Variants in LMX1B observed in about 807,000 individuals in gnomAD.
LMX1B encodes the protein LIM homeobox transcription factor 1 beta, also known as LIM homeobox transcription factor 1-beta.
In LMX1B, 12 loss-of-function variants were observed where a neutral mutation model predicts 51.4. The ratio of observed to expected loss-of-function variants is 0.23; its 90% CI spans 0.15 to 0.38. The LOEUF (loss-of-function observed/expected upper bound fraction) is 0.38, where lower values mean the gene tolerates loss of function less well. LMX1B is among the 10% of genes least tolerant of loss of function. LMX1B has a pLI of 1.00. For missense variants in LMX1B, 445 were observed against 571.1 expected (o/e 0.78, Z 2.25); for synonymous variants, 237 against 235.4 (o/e 1.01, Z -0.06).
intron 2 of LMX1B, among the ~76,000 whole-genome samples, chr9:126,632,426 CGAGGGGCTGCT>C (rs996582541): frequency 3.3e-5 from 5 of 151,948 alleles, no homozygotes; most frequent in African/African-American, 1.2e-4. Context: ...GAGGGGCTGC[CGAGGGGCTGCT>C]GGGACTGGAG....
chr9:126,645,048 A>G (rs995014440), intron 2 of LMX1B, among the ~76,000 whole-genome samples: 3 of 152,146 alleles, frequency 2.0e-5, no homozygotes, highest in Non-Finnish European at 4.4e-5. Flanking sequence ...GCCCAGCGGC[A>G]TAGGCGTCCT....
intron 2 of LMX1B, among the ~76,000 whole-genome samples, chr9:126,637,294 C>T (rs1449277756): frequency 6.6e-6 from 1 of 151,958 alleles, no homozygotes; most frequent in Non-Finnish European, 1.5e-5. Context: ...GCGCCTGTGT[C>T]AGTGTGTGTG....
intron 2 of LMX1B, among the ~76,000 whole-genome samples, chr9:126,629,074 C>T (rs1009337772): frequency 1.3e-5 from 2 of 152,094 alleles, no homozygotes; most frequent in Admixed American, 6.5e-5. Flanking sequence ...ACCATCCAAA[C>T]CTGGTTCTAG....
intron 2 of LMX1B, among the ~76,000 whole-genome samples, chr9:126,644,471 G>A (rs893314289): frequency 6.6e-6 from 1 of 152,106 alleles, no homozygotes; most frequent in Non-Finnish European, 1.5e-5. Context: ...CTCTAGGACG[G>A]GGGTAGGGAG....
chr9:126,628,237 G>C (rs2118853825), intron 2 of LMX1B, among the ~76,000 whole-genome samples: 1 of 152,316 alleles, frequency 6.6e-6, no homozygotes, highest in African/African-American at 2.4e-5. Flanking sequence ...GGGCCAGTGG[G>C]CTGCTAGGAC....
At chr9:126,633,639 A>G (rs186891286) in intron 2 of LMX1B, among the ~76,000 whole-genome samples, 3 of 152,270 alleles carry the variant, frequency 2.0e-5, no homozygotes, top group Admixed American at 1.3e-4. Flanking sequence ...AAGTGGGCAG[A>G]GGCCACGGAG....
chr9:126,622,950 T>C (rs1225839959), intron 2 of LMX1B, among the ~76,000 whole-genome samples: 2 of 152,266 alleles, frequency 1.3e-5, no homozygotes, highest in Non-Finnish European at 2.9e-5. Context: ...AATTCCAATC[T>C]TACAGGGTTG....
chr9:126,684,412 A>G (rs1362298667), intron 2 of LMX1B, among the ~76,000 whole-genome samples: 1 of 152,206 alleles, frequency 6.6e-6, no homozygotes, highest in Non-Finnish European at 1.5e-5. Context: ...CTCCTGTGCC[A>G]GACGCTGGGC....
At chr9:126,662,694 G>A (rs1836268680) in intron 2 of LMX1B, among the ~76,000 whole-genome samples, 2 of 152,140 alleles carry the variant, frequency 1.3e-5, no homozygotes, top group African/African-American at 2.4e-5. Flanking sequence ...GTTGGAGCAG[G>A]CCCCAAGCTG....
rs1374003080 is a variant in LMX1B at position 126,696,537 on chromosome 9, T to C, written c.*86T>C. On this transcript the variant is annotated 3_prime_UTR_variant, in exon 8 of 8. Coordinates refer to ENST00000373474, the MANE Select transcript of LMX1B (RefSeq NM_001174147.2). ...GCCAGCCTGGCCACCCCCGCCCTGC[T>C]CTCCGCACAGACTACAGACAGCCAT... The C allele has an allele frequency of 6.7e-7, 1 of 1,499,602 alleles. No individual in the cohort carries two copies. Among genetic ancestry groups the C allele is most frequent in the Non-Finnish European group, 9.2e-7 (1 of 1,081,580 alleles). The allele number at this position is 1,499,602 out of a possible 1,614,324, so 92.9% of individuals were successfully genotyped here.
At chr9:126,659,974 T>C (rs1278262154) in intron 2 of LMX1B, among the ~76,000 whole-genome samples, 2 of 143,462 alleles carry the variant, frequency 1.4e-5, no homozygotes, top group Admixed American at 1.4e-4. Flanking sequence ...TACACTGGCT[T>C]CAAAGGTTGT....
rs536229304 is a variant in LMX1B, at chr9:126,674,492, C to T, written c.327-16344C>T. Among the ~76,000 whole-genome samples the T allele has an allele frequency of 5.9e-5, 9 of 152,316 alleles. No individual in the cohort carries two copies. In the South Asian group the frequency reaches 1.7e-3, roughly 28 times the overall value. ...GGGGCAGCTAAGCTCCATCTGTCTC[C>T]TCTTGGTCATCAGAGAGCCTGGTGT... is the stretch of plus-strand genomic sequence containing the variant. On this transcript the variant is annotated intron_variant, in intron 2 of 7. Coordinates refer to ENST00000373474, the MANE Select transcript of LMX1B (RefSeq NM_001174147.2).
intron 2 of LMX1B, among the ~76,000 whole-genome samples, chr9:126,653,851 G>A (rs906354954): frequency 2.0e-5 from 3 of 152,040 alleles, no homozygotes; most frequent in African/African-American, 7.2e-5. Context: ...ACATTAGGAC[G>A]TTGTCTTGGT....
chr9:126,671,963 A>G lies in LMX1B; in HGVS notation c.327-18873A>G, dbSNP rs1326662565. Among the ~76,000 whole-genome samples, 1 of 152,234 alleles carries G rather than the reference A, an allele frequency of 6.6e-6. No individual in the cohort carries two copies. ...CCAAGTAAATTCATCTTCCTTATTA[A>G]AAACCAGCCTTGATGCTCCCGAGCC... is the stretch of plus-strand genomic sequence containing the variant. On this transcript the variant is annotated intron_variant, in intron 2 of 7. Transcript: ENST00000373474. This position sits in a 1 kb window ranked among gnomAD's most constrained non-coding sequence, Gnocchi z 4.4.
rs989038668 is a variant in LMX1B at position 126,691,039 on chromosome 9, G to C, written c.530G>C (p.Ser177Thr). The C allele has an allele frequency of 1.9e-5, 30 of 1,613,060 alleles. No individual in the cohort carries two copies. Among genetic ancestry groups the C allele is most frequent in the Non-Finnish European group, 2.5e-5 (30 of 1,179,494 alleles). The change falls in exon 3 of 8, where the codon AGC (serine) becomes ACC (threonine). Residue 177 changes from serine (S) to threonine (T), a missense_variant. Physicochemically the swap from Ser to Thr is moderately conservative, Grantham distance 58. Transcript: ENST00000373474. ...TACGAGAAGGAGAAGGACCTGCTCA[G>C]CTCCGTGAGCCCCGACGAGTCCGAC... ...GDYEKEKDLL[S>T]SVSPDESDSV... is the part of the protein sequence containing the mutation.
rs549477599 is a variant in LMX1B, at chr9:126,681,907, A to T, written c.327-8929A>T. ...CAGAGTGAGACTCCATCTCAAAAAA[A>T]AAAAATAATAATAATAAAATAAAAT... On this transcript the variant is annotated intron_variant, in intron 2 of 7. Coordinates refer to ENST00000373474, the MANE Select transcript of LMX1B (RefSeq NM_001174147.2). 2.5e-4 allele frequency among the ~76,000 whole-genome samples: 36 copies of T among 144,720 alleles called. 1 individual carries two copies. Among genetic ancestry groups the T allele is most frequent in the South Asian group, 8.4e-4 (4 of 4,776 alleles). 94.9% of individuals were successfully genotyped at this position (144,720 alleles called of 152,430 possible).
intron 2 of LMX1B, among the ~76,000 whole-genome samples, chr9:126,670,341 T>C (rs894294377): frequency 6.6e-6 from 1 of 152,238 alleles, no homozygotes; most frequent in Admixed American, 6.5e-5. Context: ...TGCATGTAAA[T>C]GTGTGAGCAC....
chr9:126,634,806 G>A (rs1178039260), intron 2 of LMX1B, among the ~76,000 whole-genome samples: 3 of 152,172 alleles, frequency 2.0e-5, no homozygotes, highest in African/African-American at 7.2e-5. Flanking sequence ...AGGTGGGAGA[G>A]CTTTTACCAG....
intron 2 of LMX1B, among the ~76,000 whole-genome samples, chr9:126,662,559 T>G (rs1836265802): frequency 6.6e-6 from 1 of 152,076 alleles, no homozygotes; most frequent in African/African-American, 2.4e-5. Context: ...AGTTCCCTGG[T>G]CTAGCCATGG....
Sources: gnomAD v4.1 joint callset for allele counts (sites outside exome capture counted in the v4.1 genomes callset) on GRCh38, gnomAD v4.1.1 for gene constraint, Gnocchi (gnomAD v3.1) non-coding constraint, MANE v1.5 for transcripts, NCBI Gene and HGNC (gene_info 2026-07-23, HGNC 2026-07-21) for gene names.